SPATA24: variants seen among roughly 807,000 people sequenced by gnomAD.
SPATA24 encodes the protein spermatogenesis-associated protein 24.
In SPATA24, 21 loss-of-function variants were observed where a neutral mutation model predicts 28.9. The observed-to-expected ratio is 0.73, with a 90% CI of 0.52 to 1.05. The LOEUF is 1.05. Among genes scored for constraint, SPATA24 ranks in the 50% least tolerant of loss-of-function variants. SPATA24 has a pLI of 0.00. For missense variants in SPATA24, 215 were observed against 242.9 expected (o/e 0.88, Z 0.76); for synonymous variants, 76 against 89.9 (o/e 0.85, Z 0.88).
downstream of SPATA24, chr5:139,394,003 CG>C: frequency 3.2e-6 from 5 of 1,550,656 alleles, no homozygotes; most frequent in Non-Finnish European, 4.4e-6. Context: ...CGGCGCCTCT[CG>C]CGGGAACCGA....
At chr5:139,401,410 A>G in intron 4 of SPATA24, 1 of 597,852 alleles carries the variant, frequency 1.7e-6, no homozygotes, top group Non-Finnish European at 3.0e-6. Flanking sequence ...TCAGGTCCCA[A>G]ATAGGACAGT....
downstream of SPATA24, chr5:139,394,459 C>T: frequency 7.1e-7 from 1 of 1,402,830 alleles, no homozygotes; most frequent in African/African-American, 1.5e-5. Flanking sequence ...CTCGATCTGA[C>T]GCTTGGGCAC....
At chr5:139,397,534 T>C (rs1030885048) in intron 4 of SPATA24, among the ~76,000 whole-genome samples, 1 of 150,856 alleles carries the variant, frequency 6.6e-6, no homozygotes, top group Non-Finnish European at 1.5e-5. Context: ...GTACTTCCTG[T>C]TCCCTCTTCC....
intron 4 of SPATA24, among the ~76,000 whole-genome samples, chr5:139,397,499 C>T (rs1319853664): frequency 1.3e-5 from 2 of 151,910 alleles, no homozygotes; most frequent in East Asian, 3.9e-4. Context: ...AGAAACTCTC[C>T]CTCATCAAAA....
At chr5:139,397,893 C>T (rs577971804) in intron 4 of SPATA24, among the ~76,000 whole-genome samples, 20 of 152,296 alleles carry the variant, frequency 1.3e-4, no homozygotes, top group African/African-American at 4.8e-4. Flanking sequence ...CCTAACATAC[C>T]ATATACTTTA....
At chr5:139,403,098 T>C (rs1758858946) in intron 1 of SPATA24, among the ~76,000 whole-genome samples, 1 of 152,104 alleles carries the variant, frequency 6.6e-6, no homozygotes, top group South Asian at 2.1e-4. Context: ...CTCTGGATGG[T>C]GGGGACACAC....
At chr5:139,392,749 G>A (rs575154446), downstream of SPATA24, 114 of 1,433,364 alleles carry the variant, frequency 8.0e-5, 1 homozygote, top group Middle Eastern at 1.3e-3. The surrounding 1 kb of genome is among the most constrained non-coding windows in gnomAD (Gnocchi z 5.8). Flanking sequence ...GCCGCCTAGA[G>A]GGCTGGTCCG....
chr5:139,402,643 C>T lies in SPATA24; in HGVS notation c.168G>A (p.Val56=), dbSNP rs1246683043. The change falls in exon 2 of 6, where the codon GTG becomes GTA. Residue 56 remains valine (V), a synonymous_variant. Transcript: ENST00000450845. The part of the protein sequence containing the change: ...NFVSKEEFQA[V]EKKLVEEKAA... Reference sequence around the variant, plus strand: ...CATTACTTACCACCAGCTTCTTCTCCACTGCCTGGAACTCTTCTTTACTGA... The same window carrying T: ...CATTACTTACCACCAGCTTCTTCTCTACTGCCTGGAACTCTTCTTTACTGA... 4 of 1,551,690 alleles carry T rather than the reference C, an allele frequency of 2.6e-6. No individual in the cohort carries two copies. The East Asian group carries it at 9.8e-5, about 38-fold the overall frequency.
chr5:139,394,599 G>C (rs888229531), downstream of SPATA24: 2 of 1,531,942 alleles, frequency 1.3e-6, no homozygotes, highest in South Asian at 1.2e-5. Context: ...AGCCACCATC[G>C]GGGACCTGGG....
chr5:139,400,275 A>G (rs1758793289), intron 4 of SPATA24, among the ~76,000 whole-genome samples: 2 of 150,508 alleles, frequency 1.3e-5, no homozygotes, highest in Non-Finnish European at 1.5e-5. Flanking sequence ...TGAACAAAGC[A>G]GATGTTGTGC....
downstream of SPATA24, chr5:139,392,785 T>G: frequency 1.4e-6 from 2 of 1,452,050 alleles, no homozygotes; most frequent in South Asian, 2.9e-5. This position sits in a 1 kb window ranked among gnomAD's most constrained non-coding sequence, Gnocchi z 5.8. Flanking sequence ...GACCAGGCGC[T>G]GGGCCTCTAC....
chr5:139,392,544 C>T, downstream of SPATA24: 1 of 1,347,446 alleles, frequency 7.4e-7, no homozygotes, highest in South Asian at 1.9e-5. The surrounding 1 kb of genome is among the most constrained non-coding windows in gnomAD (Gnocchi z 5.8). Context: ...GGGCTGGGGC[C>T]GTCCTGCCCG....
downstream of SPATA24, chr5:139,395,133 G>A: frequency 1.9e-5 from 26 of 1,374,950 alleles, no homozygotes; most frequent in Non-Finnish European, 2.4e-5. Context: ...TCCGCTGGTG[G>A]CGCCGGCACT....
At chr5:139,394,271 AG>A, downstream of SPATA24, 1 of 1,542,530 alleles carries the variant, frequency 6.5e-7, no homozygotes, top group Non-Finnish European at 8.8e-7. Flanking sequence ...GTGGACCCGA[AG>A]GTGGCGCTGC....
chr5:139,393,893 G>A (rs1758643660), downstream of SPATA24: 1 of 1,549,018 alleles, frequency 6.5e-7, no homozygotes, highest in East Asian at 2.5e-5. Context: ...GGAGTCTGCC[G>A]TGGCGGGGAC....
chr5:139,395,336 C>CCA (rs1758681927), downstream of SPATA24: 6 of 393,614 alleles, frequency 1.5e-5, no homozygotes, highest in Non-Finnish European at 2.7e-5. Context: ...CTTTGGCTGA[C>CCA]AGGCAGGTGA....
chr5:139,394,736 C>G, downstream of SPATA24: 3 of 1,533,140 alleles, frequency 2.0e-6, no homozygotes, highest in Non-Finnish European at 2.6e-6. Context: ...GGTCCGACGC[C>G]GAAGATGACT....
chr5:139,400,714 C>T (rs1458842854), intron 4 of SPATA24, among the ~76,000 whole-genome samples: 1 of 152,188 alleles, frequency 6.6e-6, no homozygotes, highest in African/African-American at 2.4e-5. Context: ...CAACTTATGG[C>T]ACCAACTGAG....
chr5:139,394,518 A>G, downstream of SPATA24: 1 of 1,453,238 alleles, frequency 6.9e-7, no homozygotes, highest in Non-Finnish European at 9.0e-7. Flanking sequence ...CCACCTCCAC[A>G]CACTCGAACT....
Sources: gnomAD v4.1 joint callset for allele counts (sites outside exome capture counted in the v4.1 genomes callset) on GRCh38, gnomAD v4.1.1 for gene constraint, Gnocchi (gnomAD v3.1) non-coding constraint, MANE v1.5 for transcripts, NCBI Gene and HGNC (gene_info 2026-07-23, HGNC 2026-07-21) for gene names.